Variants in LRRC4C observed in about 807,000 individuals in gnomAD.
The protein encoded by LRRC4C is leucine rich repeat containing 4C, also known as leucine-rich repeat-containing protein 4C.
In LRRC4C, 5 loss-of-function variants were observed where a neutral mutation model predicts 33.6. The observed-to-expected ratio is 0.15, with a 90% CI of 0.08 to 0.31. The LOEUF (loss-of-function observed/expected upper bound fraction) is 0.31. LRRC4C is among the 10% of genes least tolerant of loss of function. LRRC4C has a pLI of 1.00. For missense variants in LRRC4C, 560 were observed against 796.7 expected (o/e 0.70, Z 3.58); for synonymous variants, 329 against 302.0 (o/e 1.09, Z -0.93).
chr11:40,566,345 T>C (rs1957768287), intron 3 of LRRC4C, among the ~76,000 whole-genome samples: 1 of 152,030 alleles, frequency 6.6e-6, no homozygotes, highest in Admixed American at 6.6e-5. Flanking sequence ...AAAGTCAAAA[T>C]TTTGAACGAT....
At position 40,114,249 on chromosome 11, in the gene LRRC4C, C is replaced by G. The variant is rs1855246992; in HGVS notation, c.*121G>C. On this transcript the variant is annotated 3_prime_UTR_variant, in exon 7 of 7. Coordinates refer to ENST00000528697, the MANE Select transcript of LRRC4C (RefSeq NM_001258419.2). ...AATTTTTAATAAATAAATTTCTTTT[C>G]TTTTTTGTTTTTTTGTAAAGACACT... 1.8e-6 allele frequency: 2 copies of G among 1,118,848 alleles called. No homozygotes were observed. 69.3% of individuals were successfully genotyped at this position (1,118,848 alleles called of 1,614,324 possible). A position where few individuals can be genotyped will look rare whatever the true frequency, so the allele number is the denominator to read the frequency against.
chr11:41,206,489 A>C (rs1760219888), intron 1 of LRRC4C, among the ~76,000 whole-genome samples: 1 of 152,186 alleles, frequency 6.6e-6, no homozygotes, highest in Non-Finnish European at 1.5e-5. Context: ...AGCTCAAAAA[A>C]ATCACCTTGA....
chr11:41,133,925 C>G (rs1162319146), intron 1 of LRRC4C, among the ~76,000 whole-genome samples: 1 of 152,118 alleles, frequency 6.6e-6, no homozygotes, highest in African/African-American at 2.4e-5. Flanking sequence ...ACTATGTATA[C>G]CTTCCAAGTA....
rs1210909041 is a variant in LRRC4C, at chr11:41,431,060, G to T, written c.-496+28371C>A. On this transcript the variant is annotated intron_variant, in intron 1 of 6. Coordinates refer to ENST00000528697, the MANE Select transcript of LRRC4C (RefSeq NM_001258419.2). Reference sequence around the variant, plus strand: ...TGCAAAAATTGTATTATTTTTCAAAGACTAAAAACATTTATTTGTATATCC... The same window carrying T: ...TGCAAAAATTGTATTATTTTTCAAATACTAAAAACATTTATTTGTATATCC... Among the ~76,000 whole-genome samples, 30 of 151,918 alleles carry T rather than the reference G, an allele frequency of 2.0e-4. 1 individual carries two copies.
intron 4 of LRRC4C, among the ~76,000 whole-genome samples, chr11:40,267,626 C>T (rs973214339): frequency 2.0e-5 from 3 of 152,174 alleles, no homozygotes; most frequent in Non-Finnish European, 4.4e-5. Context: ...GCTGGGATTA[C>T]AGACGTGAGC....
intron 1 of LRRC4C, among the ~76,000 whole-genome samples, chr11:41,054,602 A>C (rs947889294): frequency 6.6e-6 from 1 of 152,252 alleles, no homozygotes. Flanking sequence ...GCCCACTTTA[A>C]GAATCAATTT....
intron 3 of LRRC4C, among the ~76,000 whole-genome samples, chr11:40,588,601 C>T (rs1207930285): frequency 6.6e-6 from 1 of 151,636 alleles, no homozygotes; most frequent in Non-Finnish European, 1.5e-5. Flanking sequence ...CCTGCTTTCT[C>T]TTGTGGGTAT....
At chr11:40,360,516 T>C (rs1330086061) in intron 3 of LRRC4C, among the ~76,000 whole-genome samples, 4 of 152,162 alleles carry the variant, frequency 2.6e-5, no homozygotes, top group Non-Finnish European at 4.4e-5. Context: ...AAATGGGGCA[T>C]TGAATAGGGA....
intron 1 of LRRC4C, among the ~76,000 whole-genome samples, chr11:41,252,193 G>A (rs1225399944): frequency 6.6e-6 from 1 of 152,170 alleles, no homozygotes; most frequent in East Asian, 1.9e-4. Flanking sequence ...GGTTTTAAGT[G>A]CTGGGCTAAC....
intron 2 of LRRC4C, among the ~76,000 whole-genome samples, chr11:40,856,276 T>C (rs1953777457): frequency 6.6e-6 from 1 of 152,168 alleles, no homozygotes; most frequent in African/African-American, 2.4e-5. Flanking sequence ...CATAGCTACA[T>C]AAAAGAAAGA....
chr11:41,034,613 A>G (rs1302488603), intron 1 of LRRC4C, among the ~76,000 whole-genome samples: 1 of 31,978 alleles, frequency 3.1e-5, no homozygotes, highest in African/African-American at 5.1e-5. Context: ...TGACGTATAT[A>G]TATATATATA....
At chr11:41,247,480 A>G (rs2136610571) in intron 1 of LRRC4C, among the ~76,000 whole-genome samples, 1 of 152,340 alleles carries the variant, frequency 6.6e-6, no homozygotes, top group Non-Finnish European at 1.5e-5. Flanking sequence ...AAACGTTAAA[A>G]TTCCAATAAG....
chr11:40,270,070 T>C (rs1942575422), intron 4 of LRRC4C, among the ~76,000 whole-genome samples: 1 of 152,180 alleles, frequency 6.6e-6, no homozygotes, highest in African/African-American at 2.4e-5. Context: ...ACTGGGGGAC[T>C]GCCAAGCTGA....
intron 1 of LRRC4C, among the ~76,000 whole-genome samples, chr11:40,987,649 A>C (rs1049506837): frequency 3.3e-4 from 16 of 48,790 alleles, no homozygotes; most frequent in African/African-American, 1.0e-3. Context: ...ATATATATAT[A>C]TATCTCATAT....
intron 3 of LRRC4C, among the ~76,000 whole-genome samples, chr11:40,566,665 T>C (rs936719852): frequency 1.3e-5 from 2 of 152,114 alleles, no homozygotes; most frequent in Non-Finnish European, 2.9e-5. Flanking sequence ...TTTCCTCTCT[T>C]TCACTGCTAA....
intron 2 of LRRC4C, among the ~76,000 whole-genome samples, chr11:40,843,791 A>C (rs1953024194): frequency 6.6e-6 from 1 of 152,202 alleles, no homozygotes; most frequent in African/African-American, 2.4e-5. Flanking sequence ...TGAAATTGTT[A>C]CATTTTCAGT....
At chr11:41,447,628 C>T (rs921665793) in intron 1 of LRRC4C, among the ~76,000 whole-genome samples, 1 of 152,128 alleles carries the variant, frequency 6.6e-6, no homozygotes, top group Non-Finnish European at 1.5e-5. Flanking sequence ...TGACAAGATT[C>T]CAAGGTCGTA....
At chr11:40,937,368 T>G (rs999078939) in intron 1 of LRRC4C, among the ~76,000 whole-genome samples, 1 of 152,150 alleles carries the variant, frequency 6.6e-6, no homozygotes, top group African/African-American at 2.4e-5. Context: ...TCAGGTACTA[T>G]GCTAATTACC....
intron 3 of LRRC4C, among the ~76,000 whole-genome samples, chr11:40,503,685 A>AT (rs1954892497): frequency 6.6e-6 from 1 of 152,136 alleles, no homozygotes; most frequent in African/African-American, 2.4e-5. Flanking sequence ...TTGATTCACC[A>AT]TTTTACCACA....
Sources: gnomAD v4.1 joint callset for allele counts (sites outside exome capture counted in the v4.1 genomes callset) on GRCh38, gnomAD v4.1.1 for gene constraint, MANE v1.5 for transcripts, NCBI Gene and HGNC (gene_info 2026-07-23, HGNC 2026-07-21) for gene names.